The following EPHA6 variants were observed in gnomAD, a reference collection of about 807,000 sequenced individuals.
The protein encoded by EPHA6 is EPH receptor A6.
In EPHA6, 50 loss-of-function variants were observed where a neutral mutation model predicts 112.0. The observed-to-expected ratio is 0.45, with a 90% CI of 0.36 to 0.56. The LOEUF (loss-of-function observed/expected upper bound fraction) is 0.56. Among genes scored for constraint, EPHA6 ranks in the 20% least tolerant of loss-of-function variants. The pLI is 0.00. For missense variants in EPHA6, 1,280 were observed against 1,417.4 expected, an observed-to-expected ratio of 0.90 and a Z score of 1.56; for synonymous variants, 529 against 490.7, an observed-to-expected ratio of 1.08 and a Z score of -1.03.
rs150942308 is a variant in EPHA6 at position 97,139,698 on chromosome 3, AAAG to A, written c.1115-86563_1115-86561del. On this transcript the variant is annotated intron_variant, in intron 3 of 17. Transcript: ENST00000389672. ...GGGGGAAACAAATCCCTCCCAAACA[AAAG>A]AAAATTCAAAAGTAAAAGTGGCAGC... is the stretch of plus-strand genomic sequence containing the variant. Among the ~76,000 whole-genome samples the A allele has an allele frequency of 3.1e-3, 465 of 152,288 alleles. 3 individuals carry two copies. The highest frequency in any genetic ancestry group is 0.01 in the African/African-American group (423 of 41,574).
rs1216550262 is a variant in EPHA6, at chr3:97,187,666, AGAAAGAAAGAGAAAGAAAGAAG to A, written c.1115-38587_1115-38566del. Among the ~76,000 whole-genome samples, 19 of 127,718 alleles carry A rather than the reference AGAAAGAAAGAGAAAGAAAGAAG, an allele frequency of 1.5e-4. 1 individual carries two copies. The highest frequency in any genetic ancestry group is 1.5e-4 in the Non-Finnish European group (9 of 59,232). The allele number at this position is 127,718 out of a possible 152,430, so 83.8% of individuals were successfully genotyped here. On this transcript the variant is annotated intron_variant, in intron 3 of 17. Transcript: ENST00000389672. ...AGAGAGAGAGAAAGAAAGAAAGGAAAGAAAGAAAGAGAAAGAAAGAAGGAAAGAAAGAAAGAAAGAAAGAAAG... is the reference window on the plus strand; with the variant it reads ...AGAGAGAGAGAAAGAAAGAAAGGAAAGAAAGAAAGAAAGAAAGAAAGAAAG...
At chr3:97,396,382 C>T (rs1449296239) in intron 5 of EPHA6, among the ~76,000 whole-genome samples, 1 of 149,372 alleles carries the variant, frequency 6.7e-6, no homozygotes, top group Non-Finnish European at 1.5e-5. Flanking sequence ...AGAAACATAA[C>T]TTTATAACCC....
chr3:97,629,941 G>C (rs1407641698), intron 13 of EPHA6, among the ~76,000 whole-genome samples: 1 of 151,972 alleles, frequency 6.6e-6, no homozygotes, highest in East Asian at 1.9e-4. Context: ...ATAGTACACA[G>C]TAACTAGTAT....
intron 11 of EPHA6, among the ~76,000 whole-genome samples, chr3:97,573,167 C>G (rs1020093891): frequency 6.6e-6 from 1 of 152,152 alleles, no homozygotes; most frequent in Non-Finnish European, 1.5e-5. Flanking sequence ...CGTTGAATAA[C>G]TATGTCTCCA....
chr3:97,590,184 A>T (rs983412869), intron 11 of EPHA6: 4 of 152,214 alleles, frequency 2.6e-5, no homozygotes, highest in Non-Finnish European at 4.4e-5. Flanking sequence ...CATGTACACC[A>T]GTCCTTCTAT....
intron 5 of EPHA6, among the ~76,000 whole-genome samples, chr3:97,309,386 A>G (rs963227104): frequency 1.2e-4 from 18 of 151,620 alleles, no homozygotes; most frequent in African/African-American, 3.9e-4. Context: ...GAAATTTTTA[A>G]TGATTCAAAT....
intron 14 of EPHA6, among the ~76,000 whole-genome samples, chr3:97,656,449 G>A (rs539698260): frequency 1.5e-4 from 23 of 151,820 alleles, no homozygotes; most frequent in African/African-American, 5.5e-4. Flanking sequence ...CAACTTTTCC[G>A]AACCTATAAA....
At chr3:97,583,832 G>T (rs1310661298) in intron 11 of EPHA6, among the ~76,000 whole-genome samples, 2 of 152,134 alleles carry the variant, frequency 1.3e-5, no homozygotes, top group Non-Finnish European at 2.9e-5. Flanking sequence ...TAGTTTAAAA[G>T]TCTGACCTCA....
At chr3:97,569,739 A>G (rs2093312644) in intron 11 of EPHA6, among the ~76,000 whole-genome samples, 1 of 152,238 alleles carries the variant, frequency 6.6e-6, no homozygotes, top group African/African-American at 2.4e-5. Context: ...GTCTGCATAT[A>G]TTGAAAACTC....
At chr3:97,239,079 G>A in intron 4 of EPHA6, among the ~76,000 whole-genome samples, 1 of 151,870 alleles carries the variant, frequency 6.6e-6, no homozygotes, top group South Asian at 2.1e-4. Flanking sequence ...CTAAAAGTAG[G>A]TGCAAGCATA....
At chr3:97,203,103 C>CCAT (rs1341607165) in intron 3 of EPHA6, among the ~76,000 whole-genome samples, 1 of 151,990 alleles carries the variant, frequency 6.6e-6, no homozygotes, top group Non-Finnish European at 1.5e-5. Flanking sequence ...AAGTTTAATG[C>CCAT]CATCAATTAG....
At chr3:97,609,072 GGATAAATGTTTGTTAAA>G (rs201080734) in intron 12 of EPHA6, among the ~76,000 whole-genome samples, 83 of 151,430 alleles carry the variant, frequency 5.5e-4, no homozygotes, top group East Asian at 5.0e-3. Flanking sequence ...CTTAAGGGAA[GGATAAATGTTTGTTAAA>G]GAAAATAAAA....
chr3:96,866,376 T>G (rs779167845), intron 1 of EPHA6, among the ~76,000 whole-genome samples: 2 of 151,972 alleles, frequency 1.3e-5, no homozygotes, highest in Non-Finnish European at 2.9e-5. Flanking sequence ...CAAAATGAGT[T>G]TTTTTAATAC....
chr3:97,175,599 C>A (rs1041112653), intron 3 of EPHA6, among the ~76,000 whole-genome samples: 1 of 151,506 alleles, frequency 6.6e-6, no homozygotes, highest in Non-Finnish European at 1.5e-5. Context: ...CATTATAGAT[C>A]TCCTTCATTT....
chr3:97,607,184 C>CAAAAAAAAAAAAAAAAAAAAAAAAAAAA (rs11437335), intron 12 of EPHA6, among the ~76,000 whole-genome samples: 1 of 86,094 alleles, frequency 1.2e-5, no homozygotes. Flanking sequence ...TTGTCTGAGG[C>CAAAAAAAAAAAAAAAAAAAAAAAAAAAA]AAAAAAAAAA....
intron 5 of EPHA6, among the ~76,000 whole-genome samples, chr3:97,296,122 A>G (rs552341557): frequency 1.3e-5 from 2 of 151,844 alleles, no homozygotes; most frequent in East Asian, 3.9e-4. Flanking sequence ...GACAGGACAA[A>G]CTTTGGGCTC....
intron 6 of EPHA6, among the ~76,000 whole-genome samples, chr3:97,429,810 T>G (rs186859717): frequency 1.1e-3 from 170 of 152,360 alleles, no homozygotes; most frequent in Admixed American, 2.9e-3. Flanking sequence ...AGTAGATATT[T>G]GTAATTTTCA....
intron 14 of EPHA6, among the ~76,000 whole-genome samples, chr3:97,642,915 C>T (rs1307482884): frequency 4.1e-5 from 6 of 146,602 alleles, no homozygotes; most frequent in Admixed American, 6.8e-5. Context: ...GGCAGGCCAA[C>T]GTTCAGATTC....
At chr3:97,388,308 C>CT (rs949401008) in intron 5 of EPHA6, among the ~76,000 whole-genome samples, 18 of 149,684 alleles carry the variant, frequency 1.2e-4, no homozygotes, top group South Asian at 4.2e-4. Flanking sequence ...GAGAAGAAAA[C>CT]TTTTTTTTTT....
Sources: gnomAD v4.1 joint callset for allele counts (sites outside exome capture counted in the v4.1 genomes callset) on GRCh38, gnomAD v4.1.1 for gene constraint, MANE v1.5 for transcripts, NCBI Gene and HGNC (gene_info 2026-07-23, HGNC 2026-07-21) for gene names.